The following WWOX variants were observed in gnomAD, a reference collection of about 807,000 sequenced individuals.
The protein encoded by WWOX is WW domain-containing oxidoreductase.
A neutral mutation model predicts 46.2 loss-of-function variants in WWOX; 69 were observed. The observed-to-expected ratio is 1.49, with a 90% CI of 1.23 to 1.82. The LOEUF is 1.82. WWOX is among the 40% of genes most tolerant of loss of function. The probability of loss-of-function intolerance (pLI) is 0.00; values close to 1 mark genes in which losing one functional copy is unlikely to be tolerated. For missense variants in WWOX, 919 were observed against 542.6 expected, an observed-to-expected ratio of 1.69 and a Z score of -6.89; for synonymous variants, 359 against 202.6, an observed-to-expected ratio of 1.77 and a Z score of -6.56.
In WWOX at chr16:79,208,631, A is replaced by T. The variant is rs937353473; in HGVS notation, c.1057-2977A>T. ...TGATGGTGATTAAAGTGCTCTTTAA[A>T]TTTTTTTTTTAATCAGTTTAAGAAT... is the stretch of plus-strand genomic sequence containing the variant. On this transcript the variant is annotated intron_variant, in intron 8 of 8. Transcript: ENST00000566780. Among the ~76,000 whole-genome samples, 10 of 151,186 alleles carry T rather than the reference A, an allele frequency of 6.6e-5. No individual in the cohort carries two copies. The East Asian group carries it at 1.8e-3, about 27-fold the overall frequency.
intron 8 of WWOX, among the ~76,000 whole-genome samples, chr16:79,123,646 T>G (rs1181220977): frequency 6.6e-6 from 1 of 152,062 alleles, no homozygotes; most frequent in Non-Finnish European, 1.5e-5. Context: ...GCTCCAGGCT[T>G]TTTCCCTATT....
At chr16:78,602,654 G>C (rs1417830939) in intron 8 of WWOX, among the ~76,000 whole-genome samples, 2 of 152,204 alleles carry the variant, frequency 1.3e-5, no homozygotes, top group East Asian at 1.9e-4. Flanking sequence ...GGTTTTTCAA[G>C]TGGTTACTCT....
intron 8 of WWOX, among the ~76,000 whole-genome samples, chr16:78,844,948 T>A (rs1424019269): frequency 6.6e-6 from 1 of 152,148 alleles, no homozygotes; most frequent in Non-Finnish European, 1.5e-5. Flanking sequence ...CAACAAAGAC[T>A]GGCCTATTGA....
chr16:78,814,454 C>T (rs1166956501), intron 8 of WWOX, among the ~76,000 whole-genome samples: 1 of 151,690 alleles, frequency 6.6e-6, no homozygotes, highest in Admixed American at 6.6e-5. Flanking sequence ...GATGAAACTA[C>T]CAAGAAGCCT....
intron 8 of WWOX, among the ~76,000 whole-genome samples, chr16:79,142,012 C>T (rs997899369): frequency 6.6e-6 from 1 of 152,196 alleles, no homozygotes; most frequent in Non-Finnish European, 1.5e-5. Context: ...CAGAAAAGAG[C>T]AGTAAGGACA....
intron 8 of WWOX, among the ~76,000 whole-genome samples, chr16:79,037,261 T>G (rs1433180257): frequency 6.6e-6 from 1 of 152,184 alleles, no homozygotes; most frequent in African/African-American, 2.4e-5. Context: ...CTCCTGACTC[T>G]GGGGGATGCT....
intron 8 of WWOX, among the ~76,000 whole-genome samples, chr16:78,992,458 C>G (rs980857814): frequency 1.3e-5 from 2 of 152,118 alleles, no homozygotes; most frequent in South Asian, 4.2e-4. Flanking sequence ...AAGAGTGACA[C>G]TCTATCTCAA....
chr16:78,520,647 G>A (rs1435764402), intron 8 of WWOX, among the ~76,000 whole-genome samples: 4 of 152,102 alleles, frequency 2.6e-5, no homozygotes, highest in East Asian at 3.9e-4. Flanking sequence ...AGGGCAGGAC[G>A]GCCCTGGCTG....
At chr16:78,495,327 G>C (rs9939163) in intron 8 of WWOX, among the ~76,000 whole-genome samples, 1 of 150,912 alleles carries the variant, frequency 6.6e-6, no homozygotes, top group Non-Finnish European at 1.5e-5. Context: ...TTTTAGTATA[G>C]ACGGGGTTTC....
At chr16:78,689,969 T>C (rs113683008) in intron 8 of WWOX, among the ~76,000 whole-genome samples, 10 of 152,224 alleles carry the variant, frequency 6.6e-5, no homozygotes, top group Middle Eastern at 3.4e-3. Context: ...CAAATGATTC[T>C]CCTACCTCAG....
At chr16:78,816,085 A>G (rs1197735323) in intron 8 of WWOX, among the ~76,000 whole-genome samples, 2 of 152,174 alleles carry the variant, frequency 1.3e-5, no homozygotes, top group Non-Finnish European at 2.9e-5. Flanking sequence ...CTAGCATGGA[A>G]TCCCCTCTGC....
intron 4 of WWOX, among the ~76,000 whole-genome samples, chr16:78,151,487 A>G (rs1245428619): frequency 6.6e-6 from 1 of 152,194 alleles, no homozygotes; most frequent in Non-Finnish European, 1.5e-5. Context: ...TGTTTCATAA[A>G]GCACATGGCG....
intron 8 of WWOX, among the ~76,000 whole-genome samples, chr16:78,953,726 T>G (rs1481611827): frequency 6.6e-6 from 1 of 152,168 alleles, no homozygotes; most frequent in Non-Finnish European, 1.5e-5. Flanking sequence ...ATAAACTCTT[T>G]CCTGGAATGC....
rs1042722512 is a variant in WWOX at position 78,238,202 on chromosome 16, A to G, written c.516+73913A>G. On this transcript the variant is annotated intron_variant, in intron 5 of 8. Coordinates refer to ENST00000566780, the MANE Select transcript of WWOX (RefSeq NM_016373.4). ...ACCCAAAGAGATCTGAAAAGCAAAA[A>G]CAAATTTATTGTATATTTATAGCAA... is the stretch of plus-strand genomic sequence containing the variant. 6 of 150,272 alleles carry G rather than the reference A, an allele frequency of 4.0e-5. No individual in the cohort carries two copies. In the Admixed American group the frequency reaches 4.1e-4, roughly 10 times the overall value. 9.3% of individuals were successfully genotyped at this position (150,272 alleles called of 1,614,324 possible). A position where few individuals can be genotyped will look rare whatever the true frequency, so the allele number is the denominator to read the frequency against.
chr16:78,807,726 G>T (rs928559693), intron 8 of WWOX, among the ~76,000 whole-genome samples: 6 of 152,150 alleles, frequency 3.9e-5, no homozygotes, highest in Non-Finnish European at 8.8e-5. Context: ...TACATAATTG[G>T]GGCTTCTCCA....
intron 8 of WWOX, among the ~76,000 whole-genome samples, chr16:78,665,883 C>T (rs183698958): frequency 1.3e-5 from 2 of 152,170 alleles, no homozygotes; most frequent in Admixed American, 6.5e-5. Flanking sequence ...TGGAGTTTCA[C>T]CATGTTGGCC....
chr16:78,698,804 G>A (rs2048153142), intron 8 of WWOX, among the ~76,000 whole-genome samples: 1 of 152,144 alleles, frequency 6.6e-6, no homozygotes. Context: ...CTATACCTGT[G>A]ACTAGCCACT....
chr16:78,774,111 A>T (rs2050129678), intron 8 of WWOX, among the ~76,000 whole-genome samples: 1 of 152,242 alleles, frequency 6.6e-6, no homozygotes, highest in South Asian at 2.1e-4. Flanking sequence ...TTTATTAAAC[A>T]TTACTTCTAG....
At chr16:78,796,862 G>C (rs576369103) in intron 8 of WWOX, among the ~76,000 whole-genome samples, 1 of 140,798 alleles carries the variant, frequency 7.1e-6, no homozygotes, top group East Asian at 2.1e-4. Flanking sequence ...GTCTCACTCT[G>C]TCACCTAGGC....
Sources: gnomAD v4.1 joint callset for allele counts (sites outside exome capture counted in the v4.1 genomes callset) on GRCh38, gnomAD v4.1.1 for gene constraint, MANE v1.5 for transcripts, NCBI Gene and HGNC (gene_info 2026-07-23, HGNC 2026-07-21) for gene names.